Variants in PLEKHJ1 observed in about 807,000 individuals in gnomAD.
PLEKHJ1 encodes pleckstrin homology domain-containing family J member 1.
In PLEKHJ1, 20 loss-of-function variants were observed where a neutral mutation model predicts 21.7. That is an observed-to-expected ratio of 0.92 (90% CI 0.65 to 1.34). The LOEUF (loss-of-function observed/expected upper bound fraction) is 1.34, where lower values mean the gene tolerates loss of function less well. Ranked by LOEUF, PLEKHJ1 falls within the 40% of genes most tolerant of loss-of-function variation. PLEKHJ1 has a pLI of 0.00. For synonymous variants in PLEKHJ1, 113 were observed against 80.6 expected (o/e 1.40, Z -2.15); for missense variants, 241 against 202.0 (o/e 1.19, Z -1.17).
intron 3 of PLEKHJ1, 64 bp from the exon 4 acceptor site, chr19:2,234,304 C>G: frequency 3.2e-6 from 4 of 1,257,474 alleles, no homozygotes; most frequent in Non-Finnish European, 3.4e-6. Flanking sequence ...CTTGCCATTG[C>G]CCATAAACTG....
At chr19:2,232,256 G>C (rs573497778), downstream of PLEKHJ1, 1 of 217,610 alleles carries the variant, frequency 4.6e-6, no homozygotes, top group Non-Finnish European at 9.2e-6. Context: ...CATGAGGCAC[G>C]CACAGTGACT....
chr19:2,232,106 A>G (rs1021275124), downstream of PLEKHJ1: 4 of 217,458 alleles, frequency 1.8e-5, no homozygotes, highest in Non-Finnish European at 2.8e-5. Flanking sequence ...TGGTGCTGGC[A>G]CCTGGCCTGA....
At position 2,233,467 on chromosome 19, in the gene PLEKHJ1, TG is replaced by T; in HGVS notation, c.*372del. Reference sequence around the variant, plus strand: ...GGTGCCAGGCCAGTTAGGTGGATCCTGGGGCCCCAGGGAGCGCAGCTTGCTG... The same window carrying T: ...GGTGCCAGGCCAGTTAGGTGGATCCTGGGCCCCAGGGAGCGCAGCTTGCTG... On this transcript the variant is annotated 3_prime_UTR_variant, in exon 6 of 6. Transcript: ENST00000326631. 3.7e-6 allele frequency: 1 copy of T among 270,536 alleles called. No individual in the cohort carries two copies. The allele number at this position is 270,536 out of a possible 1,614,324, so 16.8% of individuals were successfully genotyped here.
Position 2,235,787 on chromosome 19 carries a change from C to G in PLEKHJ1, c.204G>C (p.Arg68=). 6.5e-7 allele frequency: 1 copy of G among 1,549,896 alleles called. No homozygotes were observed. Among genetic ancestry groups the G allele is most frequent in the Non-Finnish European group, 8.7e-7 (1 of 1,146,996 alleles). ...ALLLERCRVV[R]EEPGTFSISF... ...TGATGGAGAAGGTGCCGGGCTCTTC[C>G]CGGACGACTCTGCAGCGCTCCAGCA... is the stretch of plus-strand genomic sequence containing the variant. The change falls in exon 3 of 6, where the codon CGG becomes CGC. Residue 68 remains arginine, a synonymous_variant. Coordinates refer to ENST00000326631, the MANE Select transcript of PLEKHJ1 (RefSeq NM_018049.3).
rs754541193 is a variant in PLEKHJ1 at position 2,233,409 on chromosome 19, C to G, written c.*431G>C. The G allele has an allele frequency of 2.8e-5, 6 of 217,762 alleles. No homozygotes were observed. The highest frequency in any genetic ancestry group is 1.4e-4 in the African/African-American group (6 of 43,126). 13.5% of individuals were successfully genotyped at this position (217,762 alleles called of 1,614,324 possible). A position where few individuals can be genotyped will look rare whatever the true frequency, so the allele number is the denominator to read the frequency against. On this transcript the variant is annotated 3_prime_UTR_variant, in exon 6 of 6. Transcript: ENST00000326631. ...CTCAGGCAGGGCACCTGTGGGAAGGCGCATATCCTGGCGGCAGCAGCACGT... is the reference window on the plus strand; with the variant it reads ...CTCAGGCAGGGCACCTGTGGGAAGGGGCATATCCTGGCGGCAGCAGCACGT...
chr19:2,230,357 G>A (rs894725074), downstream of PLEKHJ1: 2 of 411,448 alleles, frequency 4.9e-6, no homozygotes, highest in East Asian at 7.1e-5. Context: ...GAGCGCCCTG[G>A]CGCCTGCCCT....
chr19:2,234,059 T>C lies in PLEKHJ1; in HGVS notation c.323A>G (p.Tyr108Cys), dbSNP rs765816138. 8 of 1,613,562 alleles carry C rather than the reference T, an allele frequency of 5.0e-6. No homozygotes were observed. In the East Asian group the frequency reaches 1.3e-4, roughly 27 times the overall value. The change falls in exon 5 of 6, where the codon TAC (tyrosine) becomes TGC (cysteine). Residue 108 changes from tyrosine to cysteine, a missense_variant and splice_region_variant. Tyr to Cys is a radical substitution (Grantham distance 194). Transcript: ENST00000326631. ...EWMEALRRASYEFMRRSLIFY... is the reference protein window; with the variant it reads ...EWMEALRRASCEFMRRSLIFY... The stretch of plus-strand genomic sequence containing the variant: ...GATGAGGCTTCTCCGCATGAACTCG[T>C]AGCTGGGGAAAAGGGTGGCACGGGG...
downstream of PLEKHJ1, chr19:2,230,329 C>T (rs904632173): frequency 2.2e-5 from 9 of 414,710 alleles, no homozygotes; most frequent in Admixed American, 4.1e-5. Flanking sequence ...GGCCTCCCCG[C>T]GGCCTGAGCC....
intron 3 of PLEKHJ1, 183 bp downstream of exon 3, chr19:2,235,579 G>T: frequency 1.7e-6 from 1 of 599,314 alleles, no homozygotes. Context: ...AGGTGGGAAG[G>T]GTGGTGCCCG....
chr19:2,230,798 C>T (rs2024566839), downstream of PLEKHJ1: 1 of 385,690 alleles, frequency 2.6e-6, no homozygotes, highest in East Asian at 3.6e-5. Flanking sequence ...CAGCGTCAGC[C>T]CCGACCCTAG....
downstream of PLEKHJ1, chr19:2,230,716 A>T: frequency 2.5e-6 from 1 of 397,840 alleles, no homozygotes; most frequent in Non-Finnish European, 4.4e-6. Flanking sequence ...TAGATGGTAT[A>T]ATGCACAGTG....
chr19:2,231,255 T>C (rs1181620395), downstream of PLEKHJ1: 2 of 226,782 alleles, frequency 8.8e-6, no homozygotes, highest in Non-Finnish European at 1.8e-5. Context: ...AAGTGCTTGC[T>C]CCTGTGAGAT....
downstream of PLEKHJ1, chr19:2,231,647 A>G (rs2024602829): frequency 4.7e-6 from 1 of 213,830 alleles, no homozygotes; most frequent in Non-Finnish European, 9.4e-6. Flanking sequence ...CCTGAGCCCC[A>G]AGCCCCGAGC....
At chr19:2,235,860 G>A in intron 2 of PLEKHJ1, 32 bp from the exon 3 acceptor site, 1 of 1,577,442 alleles carries the variant, frequency 6.3e-7, no homozygotes, top group Non-Finnish European at 8.6e-7. Flanking sequence ...GGACGGGGCA[G>A]TGAGCACCCG....
chr19:2,236,229 T>C lies in PLEKHJ1; in HGVS notation c.20A>G (p.Glu7Gly). 1 of 1,456,324 alleles carries C rather than the reference T, an allele frequency of 6.9e-7. No homozygotes were observed. Among genetic ancestry groups the C allele is most frequent in the Non-Finnish European group, 9.0e-7 (1 of 1,108,670 alleles). The allele number at this position is 1,456,324 out of a possible 1,614,324, so 90.2% of individuals were successfully genotyped here. Residue 7 changes from glutamate (E) to glycine (G), a missense_variant, in exon 1 of 6, where the codon GAG (glutamate) becomes GGG (glycine). Transcript: ENST00000326631. MRYNEK[E>G]LQALSRQPAE... ...CGGCTGCCGGGACAGAGCCTGCAGC[T>C]CCTTCTCGTTGTACCGCATGGCTCC... is the stretch of plus-strand genomic sequence containing the variant.
Position 2,236,203 on chromosome 19 carries a change from C to G in PLEKHJ1, c.46G>C (p.Ala16Pro). The stretch of plus-strand genomic sequence containing the variant: ...ATGCCCAGCTCGGCCGCCATCTCGG[C>G]CGGCTGCCGGGACAGAGCCTGCAGC... ...KELQALSRQPAEMAAELGMRG... is the reference protein window; with the variant it reads ...KELQALSRQPPEMAAELGMRG... The change falls in exon 1 of 6, where the codon GCC (alanine) becomes CCC (proline). Residue 16 changes from alanine (A) to proline (P), a missense_variant. Ala to Pro is a conservative substitution (Grantham distance 27, BLOSUM62 -1). Transcript: ENST00000326631. The G allele has an allele frequency of 6.8e-7, 1 of 1,477,202 alleles. No individual in the cohort carries two copies. The highest frequency in any genetic ancestry group is 8.9e-7 in the Non-Finnish European group (1 of 1,117,320). 91.5% of individuals were successfully genotyped at this position (1,477,202 alleles called of 1,614,324 possible). A position where few individuals can be genotyped will look rare whatever the true frequency, so the allele number is the denominator to read the frequency against.
downstream of PLEKHJ1, chr19:2,230,029 A>C (rs2144963965): frequency 1.5e-6 from 1 of 671,244 alleles, no homozygotes; most frequent in Admixed American, 3.1e-5. Flanking sequence ...AACAATTCTG[A>C]CTTATTTTAT....
chr19:2,234,276 A>T, intron 3 of PLEKHJ1, 36 bp from the exon 4 acceptor site: 2 of 1,500,644 alleles, frequency 1.3e-6, no homozygotes, highest in East Asian at 4.6e-5. Context: ...TCCTACCCAC[A>T]GCCACAAGCA....
chr19:2,233,989 T>G lies in PLEKHJ1; in HGVS notation c.384+9A>C. On this transcript the variant is annotated intron_variant, in intron 5 of 5. Transcript: ENST00000326631. Reference sequence around the variant, plus strand: ...GCCCCACCCCGGCCCTCTGCAGCCCTGCACACACCTTGCCCGTCACCTTCC... The same window carrying G: ...GCCCCACCCCGGCCCTCTGCAGCCCGGCACACACCTTGCCCGTCACCTTCC... 1 of 1,612,942 alleles carries G rather than the reference T, an allele frequency of 6.2e-7. No individual in the cohort carries two copies. The highest frequency in any genetic ancestry group is 1.1e-5 in the South Asian group (1 of 91,074).
Sources: allele counts gnomAD v4.1 joint callset, GRCh38; gene constraint gnomAD v4.1.1; transcripts MANE v1.5; gene names NCBI Gene and HGNC (gene_info 2026-07-23, HGNC 2026-07-21).